The following SGSM2 variants were observed in gnomAD, a reference collection of about 807,000 sequenced individuals.
SGSM2 encodes the protein small G protein signaling modulator 2.
Under a neutral mutation model 126.6 loss-of-function variants are expected in SGSM2, and 89 were observed. The observed-to-expected ratio is 0.70, with a 90% confidence interval of 0.59 to 0.84. The LOEUF (loss-of-function observed/expected upper bound fraction) is 0.84. Among genes scored for constraint, SGSM2 ranks in the 40% least tolerant of loss-of-function variants. SGSM2 has a pLI of 0.00. For missense variants in SGSM2, 1,404 were observed against 1,416.6 expected (o/e 0.99, Z 0.14); for synonymous variants, 614 against 574.3 (o/e 1.07, Z -0.99).
Position 2,361,766 on chromosome 17 carries a change from A to C in SGSM2, c.263A>C (p.Lys88Thr), listed in dbSNP as rs747586508. 17 of 1,612,450 alleles carry C rather than the reference A, an allele frequency of 1.1e-5. No homozygotes were observed. The South Asian group carries it at 1.6e-4, about 16-fold the overall frequency. Reference sequence around the variant, plus strand: ...CCAGTGGCGGGGGAGATTTGCCACAAGGTACAGGAGCTGCAGCAACAAGCA... The same window carrying C: ...CCAGTGGCGGGGGAGATTTGCCACACGGTACAGGAGCTGCAGCAACAAGCA... ...TCPVAGEICH[K>T]VQELQQQAEG... Residue 88 changes from lysine (K) to threonine (T), a missense_variant, in exon 3 of 24, where the codon AAG becomes ACG. Transcript: ENST00000268989.
Position 2,372,927 on chromosome 17 carries a change from C to T in SGSM2, c.1789-26C>T, listed in dbSNP as rs370954809. 25 of 1,552,554 alleles carry T rather than the reference C, an allele frequency of 1.6e-5. No homozygotes were observed. The highest frequency in any genetic ancestry group is 2.2e-5 in the Non-Finnish European group (25 of 1,147,600). ...GGCCACGGTGACTGTGGAGGCTGCACAGTCTTGACTCCCCGGGTCCCTCAG... is the reference window on the plus strand; with the variant it reads ...GGCCACGGTGACTGTGGAGGCTGCATAGTCTTGACTCCCCGGGTCCCTCAG... On this transcript the variant is annotated intron_variant, in intron 15 of 23. Coordinates refer to ENST00000268989, the MANE Select transcript of SGSM2 (RefSeq NM_014853.3). The surrounding 1 kb of genome is among the most constrained non-coding windows in gnomAD (Gnocchi z 6.0).
chr17:2,358,416 CAGA>C (rs2065168732), intron 2 of SGSM2, among the ~76,000 whole-genome samples: 1 of 152,206 alleles, frequency 6.6e-6, no homozygotes, highest in South Asian at 2.1e-4. Context: ...CTGCTCGACT[CAGA>C]AGTCTCAGAG....
At chr17:2,373,551 G>A (rs768101822) in intron 17 of SGSM2, 38 bp downstream of exon 17, 5 of 1,560,568 alleles carry the variant, frequency 3.2e-6, no homozygotes, top group African/African-American at 1.4e-5. Context: ...GGGGTCTCGG[G>A]GGCCACCCGC....
chr17:2,353,911 T>C (rs1296617203), intron 2 of SGSM2, among the ~76,000 whole-genome samples: 2 of 152,176 alleles, frequency 1.3e-5, no homozygotes, highest in Non-Finnish European at 2.9e-5. Context: ...GTTTTTTGTT[T>C]GTTTGGTTGT....
intron 20 of SGSM2, 43 bp downstream of exon 20, chr17:2,376,858 G>C: frequency 6.2e-7 from 1 of 1,612,318 alleles, no homozygotes; most frequent in Non-Finnish European, 8.5e-7. Flanking sequence ...GTAAGCTGGA[G>C]AAAGGACGAG....
rs904332117 is a variant in SGSM2 at position 2,379,490 on chromosome 17, C to T, written c.3126C>T (p.His1042=). 11 of 1,613,682 alleles carry T rather than the reference C, an allele frequency of 6.8e-6. No homozygotes were observed. The highest frequency in any genetic ancestry group is 9.3e-6 in the Non-Finnish European group (11 of 1,179,800). Residue 1042 remains histidine, a synonymous_variant, in exon 24 of 24, where the codon CAC becomes CAT. Coordinates refer to ENST00000268989, the MANE Select transcript of SGSM2 (RefSeq NM_014853.3). ...EILRIARDLV[H]KVQMLIENK The stretch of plus-strand genomic sequence containing the variant: ...TGCGGATTGCCCGGGACCTCGTCCA[C>T]AAGGTGCAGATGCTCATAGAGAACA...
rs2064130212 is a variant in SGSM2, at chr17:2,337,523, G to A, written c.-166G>A. The A allele has an allele frequency of 2.5e-5, 5 of 200,196 alleles. No homozygotes were observed. Among genetic ancestry groups the A allele is most frequent in the Non-Finnish European group, 4.7e-5 (5 of 107,246 alleles). 12.4% of individuals were successfully genotyped at this position (200,196 alleles called of 1,614,324 possible). On this transcript the variant is annotated 5_prime_UTR_variant, in exon 1 of 24. Coordinates refer to ENST00000268989, the MANE Select transcript of SGSM2 (RefSeq NM_014853.3). The surrounding 1 kb of genome is among the most constrained non-coding windows in gnomAD (Gnocchi z 5.1). ...TCTGTGCGGGGCTCGGAAGATGGCT[G>A]CGGAGCCGAGCACCGGGCAGTGGCT...
rs935017329 is a variant in SGSM2, at chr17:2,376,376, G to C, written c.2609+115G>C. 4.2e-5 allele frequency: 59 copies of C among 1,400,934 alleles called. No individual in the cohort carries two copies. In the Middle Eastern group the frequency reaches 1.1e-3, roughly 27 times the overall value. The allele number at this position is 1,400,934 out of a possible 1,614,324, so 86.8% of individuals were successfully genotyped here. A position where few individuals can be genotyped will look rare whatever the true frequency, so the allele number is the denominator to read the frequency against. On this transcript the variant is annotated intron_variant, in intron 19 of 23. Coordinates refer to ENST00000268989, the MANE Select transcript of SGSM2 (RefSeq NM_014853.3). ...CTCTCCTGCTCCTGAATCACACTTGGCTCCCCCTGCCTGGAACGCTTTTTT... is the reference window on the plus strand; with the variant it reads ...CTCTCCTGCTCCTGAATCACACTTGCCTCCCCCTGCCTGGAACGCTTTTTT...
At chr17:2,349,221 CA>C (rs1320541535) in intron 2 of SGSM2, among the ~76,000 whole-genome samples, 1 of 152,044 alleles carries the variant, frequency 6.6e-6, no homozygotes, top group African/African-American at 2.4e-5. Flanking sequence ...ACTAAAAATA[CA>C]AAAATTAGCT....
Position 2,380,362 on chromosome 17 carries a change from T to A in SGSM2, c.*842T>A. 1 of 1,483,806 alleles carries A rather than the reference T, an allele frequency of 6.7e-7. No homozygotes were observed. Among genetic ancestry groups the A allele is most frequent in the Non-Finnish European group, 9.1e-7 (1 of 1,099,686 alleles). 91.9% of individuals were successfully genotyped at this position (1,483,806 alleles called of 1,614,324 possible). A position where few individuals can be genotyped will look rare whatever the true frequency, so the allele number is the denominator to read the frequency against. Reference sequence around the variant, plus strand: ...TTGCTCTGAGGAATCCCAGGGTGACTCTGTCGGGGAAGAATCCGGTCACAG... The same window carrying A: ...TTGCTCTGAGGAATCCCAGGGTGACACTGTCGGGGAAGAATCCGGTCACAG... On this transcript the variant is annotated 3_prime_UTR_variant, in exon 24 of 24. Transcript: ENST00000268989.
intron 2 of SGSM2, among the ~76,000 whole-genome samples, chr17:2,360,863 T>G (rs1479104267): frequency 6.6e-6 from 1 of 152,244 alleles, no homozygotes; most frequent in Admixed American, 6.5e-5. Flanking sequence ...ATGTTGTGAC[T>G]GTGATCGAGT....
At chr17:2,346,857 G>A (rs2064617479) in intron 2 of SGSM2, among the ~76,000 whole-genome samples, 1 of 152,168 alleles carries the variant, frequency 6.6e-6, no homozygotes, top group Admixed American at 6.5e-5. Context: ...GGGAGGCTGA[G>A]GCGGGAGGAT....
In SGSM2 at chr17:2,364,164, G is replaced by A. The variant is rs61733094; in HGVS notation, c.913G>A (p.Asp305Asn). Residue 305 changes from aspartate to asparagine, a missense_variant, in exon 8 of 24, where the codon GAC (aspartate) becomes AAC (asparagine). By Grantham distance (23) the Asp-to-Asn change is conservative. Transcript: ENST00000268989. ...CCAGCTCATGAATGGGACTCTGGGG[G>A]ACTCCGAGCTGGAAAAGAGGTGGGG... is the stretch of plus-strand genomic sequence containing the variant. ...PNQLMNGTLGDSELEKSVYWD... is the reference protein window; with the variant it reads ...PNQLMNGTLGNSELEKSVYWD... 2.0e-5 allele frequency: 32 copies of A among 1,613,798 alleles called. No individual in the cohort carries two copies. The highest frequency in any genetic ancestry group is 2.7e-5 in the Non-Finnish European group (32 of 1,180,028).
At chr17:2,373,602 G>C in intron 17 of SGSM2, 89 bp downstream of exon 17, 1 of 1,226,676 alleles carries the variant, frequency 8.2e-7, no homozygotes, top group East Asian at 2.5e-5. Flanking sequence ...CTGACCTCTG[G>C]GAACTGGTGG....
At chr17:2,375,352 C>T (rs925275225) in intron 17 of SGSM2, 140 bp from the exon 18 acceptor site, 6 of 1,124,742 alleles carry the variant, frequency 5.3e-6, no homozygotes, top group African/African-American at 1.6e-5. Flanking sequence ...CTTGGTGCCC[C>T]GTGGCCACAG....
intron 2 of SGSM2, among the ~76,000 whole-genome samples, chr17:2,353,877 C>T (rs2064979375): frequency 2.6e-5 from 4 of 151,980 alleles, no homozygotes; most frequent in Non-Finnish European, 1.5e-5. Flanking sequence ...TCTCATGCAT[C>T]CTTCTAGAGG....
rs145103383 is a variant in SGSM2 at position 2,367,347 on chromosome 17, G to A, written c.1365G>A (p.Leu455=). The A allele has an allele frequency of 1.6e-4, 253 of 1,614,186 alleles. No homozygotes were observed. In the African/African-American group the frequency reaches 1.9e-3, roughly 12 times the overall value. ...VDDDEEEEDK[L]HAMLSMICSR... Reference sequence around the variant, plus strand: ...ATGATGAGGAAGAGGAGGATAAACTGCACGCGATGCTCTCAATGATCTGCT... The same window carrying A: ...ATGATGAGGAAGAGGAGGATAAACTACACGCGATGCTCTCAATGATCTGCT... The change falls in exon 12 of 24, where the codon CTG becomes CTA. Residue 455 remains leucine (L), a synonymous_variant. Transcript: ENST00000268989. This position sits in a 1 kb window ranked among gnomAD's most constrained non-coding sequence, Gnocchi z 4.0.
In SGSM2 at chr17:2,367,375, C is replaced by T. The variant is rs778897283; in HGVS notation, c.1393C>T (p.Arg465Trp). The T allele has an allele frequency of 4.3e-5, 69 of 1,613,970 alleles. No homozygotes were observed. Among genetic ancestry groups the T allele is most frequent in the Admixed American group, 1.0e-4 (6 of 60,006 alleles). The change falls in exon 12 of 24, where the codon CGG becomes TGG. Residue 465 changes from arginine (R) to tryptophan (W), a missense_variant. Transcript: ENST00000268989. This position sits in a 1 kb window ranked among gnomAD's most constrained non-coding sequence, Gnocchi z 4.0. ...LHAMLSMICSRNLTAPNPMKD... is the reference protein window; with the variant it reads ...LHAMLSMICSWNLTAPNPMKD... The stretch of plus-strand genomic sequence containing the variant: ...CGCGATGCTCTCAATGATCTGCTCG[C>T]GGAACCTCACAGCTCCCAATCCGAT...
intron 1 of SGSM2, among the ~76,000 whole-genome samples, chr17:2,342,433 C>G (rs548213176): frequency 6.6e-6 from 1 of 151,530 alleles, no homozygotes; most frequent in Non-Finnish European, 1.5e-5. Context: ...CAGAAACAAA[C>G]AAACAAAAAA....
Sources: gnomAD v4.1 joint callset for allele counts (sites outside exome capture counted in the v4.1 genomes callset) on GRCh38, gnomAD v4.1.1 for gene constraint, Gnocchi (gnomAD v3.1) non-coding constraint, MANE v1.5 for transcripts, NCBI Gene and HGNC (gene_info 2026-07-23, HGNC 2026-07-21) for gene names.